The following CARM1 variants were observed in gnomAD, a reference collection of about 807,000 sequenced individuals.
CARM1 encodes coactivator associated arginine methyltransferase 1, also known as histone-arginine methyltransferase CARM1.
CARM1 carries 14 observed loss-of-function variants against 72.7 expected under a neutral mutation model. The observed-to-expected ratio is 0.19, with a 90% CI of 0.13 to 0.30. The LOEUF is 0.30. Among genes scored for constraint, CARM1 ranks in the 10% least tolerant of loss-of-function variants. The pLI, the probability that CARM1 is intolerant of heterozygous loss-of-function variation, is 1.00. For missense variants in CARM1, 432 were observed against 833.7 expected (o/e 0.52, Z 5.93); for synonymous variants, 333 against 345.5 (o/e 0.96, Z 0.40).
chr19:10,886,652 C>G (rs2073945025), intron 1 of CARM1, among the ~76,000 whole-genome samples: 2 of 152,112 alleles, frequency 1.3e-5, no homozygotes, highest in Middle Eastern at 3.4e-3. Context: ...ATGGTGAAAC[C>G]CCATCCCTAC....
At chr19:10,888,173 C>T (rs577580589) in intron 1 of CARM1, among the ~76,000 whole-genome samples, 1 of 152,284 alleles carries the variant, frequency 6.6e-6, no homozygotes, top group South Asian at 2.1e-4. Flanking sequence ...TGTGACAGAC[C>T]CTCTTTAGCA....
intron 15 of CARM1, 51 bp from the exon 16 acceptor site, chr19:10,921,563 TG>T: frequency 6.3e-7 from 1 of 1,579,678 alleles, no homozygotes; most frequent in Non-Finnish European, 8.6e-7. Flanking sequence ...TGACTCTGCC[TG>T]GGGGCTGGGC....
At chr19:10,897,740 C>T (rs2074034507) in intron 1 of CARM1, among the ~76,000 whole-genome samples, 1 of 152,162 alleles carries the variant, frequency 6.6e-6, no homozygotes, top group South Asian at 2.1e-4. Flanking sequence ...GTGATCTCAG[C>T]ACTTTGGGAG....
intron 1 of CARM1, among the ~76,000 whole-genome samples, chr19:10,884,412 C>T (rs2073925614): frequency 6.6e-6 from 1 of 151,982 alleles, no homozygotes; most frequent in Non-Finnish European, 1.5e-5. Flanking sequence ...TCTCAAACTC[C>T]TGGACATAAG....
chr19:10,874,897 G>A (rs2073851343), intron 1 of CARM1, among the ~76,000 whole-genome samples: 1 of 151,968 alleles, frequency 6.6e-6, no homozygotes, highest in Admixed American at 6.6e-5. Context: ...TGGTACCTGC[G>A]ACTGTAGTCC....
chr19:10,921,269 C>G, intron 14 of CARM1, 106 bp from the exon 15 acceptor site: 2 of 1,474,160 alleles, frequency 1.4e-6, no homozygotes, highest in African/African-American at 1.4e-5. Context: ...GGCCGAGGCT[C>G]TCCGTCCTCT....
In CARM1 at chr19:10,905,784, G is replaced by C. The variant is rs578082463; in HGVS notation, c.346+708G>C. Among the ~76,000 whole-genome samples the C allele has an allele frequency of 3.3e-5, 5 of 152,208 alleles. No individual in the cohort carries two copies. In the East Asian group the frequency reaches 9.7e-4, roughly 29 times the overall value. On this transcript the variant is annotated intron_variant, in intron 2 of 15. Transcript: ENST00000327064. ...ACCTTGGGCAGCCTGAGCCCTCGGG[G>C]CCAGCTGTGTGAAGCTGCCATGCCT...
At position 10,922,041 on chromosome 19, in the gene CARM1, A is replaced by T; in HGVS notation, c.*284A>T. On this transcript the variant is annotated 3_prime_UTR_variant, in exon 16 of 16. Transcript: ENST00000327064. ...CGCTCTACCCTGACCTGGGCTTGTC[A>T]TCTGCTGGAACAGGCGCCATGGGGC... 3.8e-6 allele frequency: 1 copy of T among 266,168 alleles called. No homozygotes were observed. The highest frequency in any genetic ancestry group is 7.1e-6 in the Non-Finnish European group (1 of 141,106). 16.5% of individuals were successfully genotyped at this position (266,168 alleles called of 1,614,324 possible).
rs377318197 is a variant in CARM1, at chr19:10,914,065, G to T, written c.847+11G>T. 5.0e-6 allele frequency: 8 copies of T among 1,607,818 alleles called. No homozygotes were observed. The highest frequency in any genetic ancestry group is 1.7e-4 in the Middle Eastern group (1 of 6,056). The stretch of plus-strand genomic sequence containing the variant: ...ACCTGAAGCCCAGCGGTGAGCACTG[G>T]GGGGTACACAGGCCAGGCCCCTCGG... On this transcript the variant is annotated intron_variant, in intron 6 of 15. Coordinates refer to ENST00000327064, the MANE Select transcript of CARM1 (RefSeq NM_199141.2).
chr19:10,902,328 C>A (rs891567826), intron 1 of CARM1, among the ~76,000 whole-genome samples: 6 of 118,822 alleles, frequency 5.0e-5, no homozygotes, highest in African/African-American at 1.6e-4. Flanking sequence ...GAGTCTTACT[C>A]TGTTGCCCAG....
intron 1 of CARM1, among the ~76,000 whole-genome samples, chr19:10,873,628 T>G (rs888820143): frequency 5.4e-5 from 4 of 73,756 alleles, no homozygotes; most frequent in Non-Finnish European, 9.6e-5. Flanking sequence ...AGTTTAGTTT[T>G]TTTTTTTTTT....
At chr19:10,908,352 TGA>T (rs2145226539) in intron 3 of CARM1, among the ~76,000 whole-genome samples, 1 of 152,198 alleles carries the variant, frequency 6.6e-6, no homozygotes, top group South Asian at 2.1e-4. Context: ...GGTGCCTGCC[TGA>T]GAGGGTTGCT....
chr19:10,903,040 A>G (rs2074077798), intron 1 of CARM1, among the ~76,000 whole-genome samples: 1 of 152,072 alleles, frequency 6.6e-6, no homozygotes, highest in Non-Finnish European at 1.5e-5. Context: ...TTGTTTGTAT[A>G]TGGTGTGAGG....
At chr19:10,908,678 T>C in intron 3 of CARM1, 1 of 185,860 alleles carries the variant, frequency 5.4e-6, no homozygotes, top group Non-Finnish European at 1.1e-5. Context: ...GGTGCCACGC[T>C]GCCTCCCGAT....
intron 1 of CARM1, among the ~76,000 whole-genome samples, chr19:10,900,916 C>G (rs1367901398): frequency 6.6e-6 from 1 of 151,868 alleles, no homozygotes; most frequent in African/African-American, 2.4e-5. Context: ...ATCTCCTGAC[C>G]TTGTGATCCA....
In CARM1 at chr19:10,912,931, G is replaced by A. The variant is rs373963295; in HGVS notation, c.669+637G>A. The stretch of plus-strand genomic sequence containing the variant: ...TCTCCCACATGCGGTTGTGTCTGTA[G>A]GACACACCCTAGCCCTGGAATCGCT... On this transcript the variant is annotated intron_variant, in intron 5 of 15. Coordinates refer to ENST00000327064, the MANE Select transcript of CARM1 (RefSeq NM_199141.2). The surrounding 1 kb of genome is among the most constrained non-coding windows in gnomAD (Gnocchi z 4.5). Among the ~76,000 whole-genome samples, 1 of 152,316 alleles carries A rather than the reference G, an allele frequency of 6.6e-6. No homozygotes were observed. The highest frequency in any genetic ancestry group is 2.4e-5 in the African/African-American group (1 of 41,562).
intron 3 of CARM1, 41 bp downstream of exon 3, chr19:10,908,186 C>A: frequency 7.3e-7 from 1 of 1,360,560 alleles, no homozygotes; most frequent in Non-Finnish European, 1.1e-6. Context: ...CTCCCCCCGG[C>A]AGCCCCCCTG....
intron 1 of CARM1, among the ~76,000 whole-genome samples, chr19:10,892,398 G>A (rs575295993): frequency 4.6e-5 from 7 of 152,190 alleles, no homozygotes; most frequent in Non-Finnish European, 5.9e-5. Context: ...GTTGGGATTC[G>A]CCCAGAGGCC....
chr19:10,905,268 C>T (rs562935935), intron 2 of CARM1, among the ~76,000 whole-genome samples, 192 bp downstream of exon 2: 1 of 152,352 alleles, frequency 6.6e-6, no homozygotes, highest in African/African-American at 2.4e-5. Context: ...GATCCCAGAC[C>T]CTCCCTCACC....
Sources: allele counts gnomAD v4.1 joint callset (sites outside exome capture counted in the v4.1 genomes callset), GRCh38; gene constraint gnomAD v4.1.1; non-coding constraint Gnocchi (gnomAD v3.1); transcripts MANE v1.5; gene names NCBI Gene and HGNC (gene_info 2026-07-23, HGNC 2026-07-21).